PODNL1: variants seen among roughly 807,000 people sequenced by gnomAD.
PODNL1 encodes the protein podocan-like protein 1.
Under a neutral mutation model 45.1 loss-of-function variants are expected in PODNL1, and 50 were observed. The observed-to-expected ratio is 1.11, with a 90% CI of 0.88 to 1.40. The LOEUF is 1.40. Ranked by LOEUF, PODNL1 falls within the 40% of genes most tolerant of loss-of-function variation. The probability of loss-of-function intolerance (pLI) is 0.00; values close to 1 mark genes in which losing one functional copy is unlikely to be tolerated. For missense variants in PODNL1, 788 were observed against 793.3 expected (o/e 0.99, Z 0.08); for synonymous variants, 406 against 372.5 (o/e 1.09, Z -1.04).
chr19:13,938,205 C>A lies in PODNL1; in HGVS notation c.-24G>T. On this transcript the variant is annotated 5_prime_UTR_variant, in exon 1 of 10. Coordinates refer to ENST00000588872, the MANE Select transcript of PODNL1 (RefSeq NM_001370095.3). The stretch of plus-strand genomic sequence containing the variant: ...ATGGCCAGCCCTGACTCTGCCATCT[C>A]GCCCAAGCTGCTGACCAGGACTTCC... The A allele has an allele frequency of 6.2e-7, 1 of 1,607,856 alleles. No homozygotes were observed. Among genetic ancestry groups the A allele is most frequent in the East Asian group, 2.2e-5 (1 of 44,698 alleles).
chr19:13,941,426 T>C (rs1229547599), upstream of PODNL1, among the ~76,000 whole-genome samples: 1 of 146,314 alleles, frequency 6.8e-6, no homozygotes, highest in African/African-American at 2.6e-5. Flanking sequence ...AGGCCAGGAG[T>C]TGGAGTCTCC....
At chr19:13,952,686 G>A (rs924613409) in intron 1 of PODNL1, 2 of 1,289,080 alleles carry the variant, frequency 1.6e-6, no homozygotes, top group Non-Finnish European at 9.8e-7. Context: ...CGGAGGGTGG[G>A]GAGTAGGGAC....
chr19:13,951,459 A>G (rs1388856142), intron 1 of PODNL1, among the ~76,000 whole-genome samples: 1 of 151,248 alleles, frequency 6.6e-6, no homozygotes, highest in African/African-American at 2.4e-5. Flanking sequence ...AACTTGGTGA[A>G]ACTCCGTCCC....
At chr19:13,939,482 G>C (rs1479882659), upstream of PODNL1, among the ~76,000 whole-genome samples, 1 of 152,088 alleles carries the variant, frequency 6.6e-6, no homozygotes, top group African/African-American at 2.4e-5. Context: ...AAAGTGCTCG[G>C]ATTACAGGCA....
Position 13,934,011 on chromosome 19 carries a change from G to A in PODNL1, c.652-18C>T. ...AGATTGTTCTGGAGAAGGAAGAAGA[G>A]AATGAGACTTGAGTCTGGGATGAGG... On this transcript the variant is annotated intron_variant, in intron 6 of 9. Transcript: ENST00000588872. 1 of 1,581,308 alleles carries A rather than the reference G, an allele frequency of 6.3e-7. No homozygotes were observed. The highest frequency in any genetic ancestry group is 1.2e-5 in the South Asian group (1 of 86,764).
intron 1 of PODNL1, among the ~76,000 whole-genome samples, chr19:13,943,754 G>A (rs1275510852): frequency 2.6e-5 from 4 of 151,674 alleles, no homozygotes; most frequent in Admixed American, 6.6e-5. Context: ...GAGCCACCGC[G>A]CCCAGCCTCT....
chr19:13,950,942 G>T (rs761659523), intron 1 of PODNL1, among the ~76,000 whole-genome samples: 1 of 151,826 alleles, frequency 6.6e-6, no homozygotes, highest in Non-Finnish European at 1.5e-5. Flanking sequence ...CTACTTGGGA[G>T]GCTGAGGCAG....
Position 13,931,901 on chromosome 19 carries a change from C to T in PODNL1, c.1575-14G>A, listed in dbSNP as rs1048576615. Reference sequence around the variant, plus strand: ...AGCCTGTTGGCCCTGCACAGAGAGGCGGTCATGACCCTCCCAGGCCCTCCC... The same window carrying T: ...AGCCTGTTGGCCCTGCACAGAGAGGTGGTCATGACCCTCCCAGGCCCTCCC... On this transcript the variant is annotated splice_polypyrimidine_tract_variant and intron_variant, in intron 9 of 9. Transcript: ENST00000588872. The T allele has an allele frequency of 4.6e-5, 57 of 1,231,926 alleles. 1 individual carries two copies. The East Asian group carries it at 1.6e-3, about 34-fold the overall frequency. The allele number at this position is 1,231,926 out of a possible 1,614,324, so 76.3% of individuals were successfully genotyped here.
chr19:13,944,154 AAATT>A (rs1425981221), intron 1 of PODNL1, among the ~76,000 whole-genome samples: 8 of 151,966 alleles, frequency 5.3e-5, no homozygotes, highest in Non-Finnish European at 7.4e-5. Context: ...TTTATTTATT[AAATT>A]AATTAATTAA....
In PODNL1 at chr19:13,933,007, G is replaced by T. The variant is rs1323948870; in HGVS notation, c.1216C>A (p.Leu406Ile). 1 of 1,541,994 alleles carries T rather than the reference G, an allele frequency of 6.5e-7. No individual in the cohort carries two copies. The highest frequency in any genetic ancestry group is 8.7e-7 in the Non-Finnish European group (1 of 1,149,500). The change falls in exon 8 of 10, where the codon CTC becomes ATC. Residue 406 changes from leucine to isoleucine, a missense_variant. By Grantham distance (5) the Leu-to-Ile change is conservative (BLOSUM62 2). Coordinates refer to ENST00000588872, the MANE Select transcript of PODNL1 (RefSeq NM_001370095.3). The surrounding 1 kb of genome is among the most constrained non-coding windows in gnomAD (Gnocchi z 5.2). ...GTTAGCTGATTCCCTGCCAGGTCGA[G>T]GCTGCGCAGGGCACGCAACCGGCGG... Reference protein sequence around the residue: ...AFRRLRALRSLDLAGNQLTRL... With the variant: ...AFRRLRALRSIDLAGNQLTRL...
rs75403267 is a variant in PODNL1, at chr19:13,932,919, C to T, written c.1304G>A (p.Arg435Gln). 2.2e-4 allele frequency: 348 copies of T among 1,579,708 alleles called. No individual in the cohort carries two copies. The African/African-American group carries it at 4.0e-3, about 18-fold the overall frequency. The change falls in exon 8 of 10, where the codon CGG becomes CAG. Residue 435 changes from arginine (R) to glutamine (Q), a missense_variant. This residue lies in a region of PODNL1 where 762 missense variants were observed against 750.9 expected (regional missense o/e 1.01). Coordinates refer to ENST00000588872, the MANE Select transcript of PODNL1 (RefSeq NM_001370095.3). ...RTLQLQRNQLRMLEPEPLAGL... is the reference protein window; with the variant it reads ...RTLQLQRNQLQMLEPEPLAGL... ...GGCCAGAGGCTCGGGCTCGAGCATC[C>T]GCAGCTGGTTGCGTTGCAGCTGCAG...
Position 13,934,333 on chromosome 19 carries a change from G to A in PODNL1, c.572C>T (p.Ala191Val). 6.4e-7 allele frequency: 1 copy of A among 1,557,320 alleles called. No individual in the cohort carries two copies. Among genetic ancestry groups the A allele is most frequent in the Non-Finnish European group, 8.7e-7 (1 of 1,155,942 alleles). The change falls in exon 6 of 10, where the codon GCC becomes GTC. Residue 191 changes from alanine (A) to valine (V), a missense_variant. Physicochemically the swap from Ala to Val is moderately conservative, Grantham distance 64 (BLOSUM62 0). Coordinates refer to ENST00000588872, the MANE Select transcript of PODNL1 (RefSeq NM_001370095.3). ...PDAFRGSEAI[A>V]TLSLSNNQLS... is the part of the protein sequence containing the mutation. ...CTGGTTGTTGGAGAGGCTGAGGGTGGCGATGGCCTCGGAGCCGCGGAAGGC... is the reference window on the plus strand; with the variant it reads ...CTGGTTGTTGGAGAGGCTGAGGGTGACGATGGCCTCGGAGCCGCGGAAGGC...
At position 13,932,065 on chromosome 19, in the gene PODNL1, C is replaced by T; in HGVS notation, c.1473G>A (p.Leu491=). The change falls in exon 9 of 10, where the codon CTG becomes CTA. Residue 491 remains leucine (L), a synonymous_variant. Transcript: ENST00000588872. ...GGTGCAGCTCCTCTAGGGCCTCAGG[C>T]AGGTCCGGGGGCACAAAGGACAGCT... ...HNELSFVPPD[L]PEALEELHLE... The T allele has an allele frequency of 8.1e-7, 1 of 1,232,616 alleles. No homozygotes were observed. The allele number at this position is 1,232,616 out of a possible 1,614,324, so 76.4% of individuals were successfully genotyped here.
At chr19:13,951,075 T>C (rs531555256) in intron 1 of PODNL1, among the ~76,000 whole-genome samples, 5 of 144,352 alleles carry the variant, frequency 3.5e-5, no homozygotes, top group African/African-American at 1.3e-4. Flanking sequence ...AAAAAAGATA[T>C]GTTGTGATAT....
At chr19:13,944,504 C>T (rs1222578411) in intron 1 of PODNL1, among the ~76,000 whole-genome samples, 1 of 152,000 alleles carries the variant, frequency 6.6e-6, no homozygotes, top group Non-Finnish European at 1.5e-5. Context: ...GTTGCCCAGG[C>T]TGGAGTGCAG....
chr19:13,942,336 C>T (rs1156392195), upstream of PODNL1, among the ~76,000 whole-genome samples: 1 of 152,134 alleles, frequency 6.6e-6, no homozygotes, highest in East Asian at 1.9e-4. Flanking sequence ...ATTCCCAGAA[C>T]CAATAAGCAT....
intron 1 of PODNL1, among the ~76,000 whole-genome samples, chr19:13,947,389 G>A (rs1361458589): frequency 6.7e-6 from 1 of 149,744 alleles, no homozygotes; most frequent in Non-Finnish European, 1.5e-5. Flanking sequence ...GCTGACGCAG[G>A]AGAATCACTT....
intron 1 of PODNL1, among the ~76,000 whole-genome samples, chr19:13,944,763 G>GTT (rs149643438): frequency 8.2e-5 from 12 of 146,812 alleles, no homozygotes; most frequent in African/African-American, 1.2e-4. Context: ...CCTGTTTGGG[G>GTT]TTTTTTTTTT....
At chr19:13,948,629 A>G (rs534701380) in intron 1 of PODNL1, among the ~76,000 whole-genome samples, 58 of 149,534 alleles carry the variant, frequency 3.9e-4, no homozygotes, top group African/African-American at 1.2e-3. Context: ...TGCACATAGC[A>G]GTCATAATAA....
Sources: allele counts gnomAD v4.1 joint callset (sites outside exome capture counted in the v4.1 genomes callset), GRCh38; gene constraint gnomAD v4.1.1; regional missense constraint gnomAD v4.1.1; non-coding constraint Gnocchi (gnomAD v3.1); transcripts MANE v1.5; gene names NCBI Gene and HGNC (gene_info 2026-07-23, HGNC 2026-07-21).